TM9SF2: variants seen among roughly 807,000 people sequenced by gnomAD.
TM9SF2 encodes transmembrane 9 superfamily member 2, also known as 76 kDa membrane protein.
TM9SF2 carries 13 observed loss-of-function variants against 84.9 expected under a neutral mutation model. The observed-to-expected ratio is 0.15, with a 90% confidence interval of 0.10 to 0.24. TM9SF2 has a LOEUF of 0.24. TM9SF2 is among the 10% of genes least tolerant of loss of function. The pLI is 1.00. For missense variants in TM9SF2, 562 were observed against 818.5 expected, an observed-to-expected ratio of 0.69 and a Z score of 3.82; for synonymous variants, 273 against 285.8, an observed-to-expected ratio of 0.96 and a Z score of 0.45.
At chr13:99,541,806 C>G (rs2046260882) in intron 9 of TM9SF2, 139 bp downstream of exon 9, 1 of 530,490 alleles carries the variant, frequency 1.9e-6, no homozygotes, top group African/African-American at 2.0e-5. Flanking sequence ...AAATTCTTCT[C>G]AAAAGTTATC....
chr13:99,544,697 G>A (rs571841922), intron 10 of TM9SF2, among the ~76,000 whole-genome samples: 1 of 152,170 alleles, frequency 6.6e-6, no homozygotes, highest in Non-Finnish European at 1.5e-5. Context: ...GAAGGGATGG[G>A]GCAGGAAGCA....
At chr13:99,530,425 A>G (rs2046203511) in intron 4 of TM9SF2, among the ~76,000 whole-genome samples, 2 of 152,258 alleles carry the variant, frequency 1.3e-5, no homozygotes, top group Non-Finnish European at 1.5e-5. Flanking sequence ...CTCTGTCTCA[A>G]AAATAAAAAA....
intron 13 of TM9SF2, among the ~76,000 whole-genome samples, chr13:99,553,129 A>G (rs1266152361): frequency 1.3e-5 from 2 of 152,228 alleles, no homozygotes; most frequent in African/African-American, 4.8e-5. Context: ...GGCTAAAAGA[A>G]AAACAAAAAC....
chr13:99,504,860 T>G (rs1163341668), intron 1 of TM9SF2, among the ~76,000 whole-genome samples: 1 of 152,236 alleles, frequency 6.6e-6, no homozygotes, highest in Admixed American at 6.5e-5. Flanking sequence ...ATTCTGTTCC[T>G]GTACAATCTG....
intron 10 of TM9SF2, among the ~76,000 whole-genome samples, chr13:99,546,610 G>A (rs969500981): frequency 3.3e-5 from 5 of 150,896 alleles, no homozygotes; most frequent in African/African-American, 1.2e-4. Flanking sequence ...ATTTTTTAAT[G>A]AAAGAACAGT....
chr13:99,549,907 A>ATT (rs1301735804), intron 12 of TM9SF2, among the ~76,000 whole-genome samples: 2 of 152,366 alleles, frequency 1.3e-5, no homozygotes, highest in East Asian at 3.9e-4. Flanking sequence ...TGGCAGCAGC[A>ATT]TTTTAATACA....
Position 99,555,682 on chromosome 13 carries a change from T to C in TM9SF2, c.1752+35T>C, listed in dbSNP as rs1196619845. On this transcript the variant is annotated intron_variant, in intron 15 of 16. Coordinates refer to ENST00000376387, the MANE Select transcript of TM9SF2 (RefSeq NM_004800.3). Reference sequence around the variant, plus strand: ...AGCAGTATTCACTTATGTTAATTTGTAGACAGTAACTTTGGCATATTGCAA... The same window carrying C: ...AGCAGTATTCACTTATGTTAATTTGCAGACAGTAACTTTGGCATATTGCAA... 5 of 1,456,308 alleles carry C rather than the reference T, an allele frequency of 3.4e-6. No homozygotes were observed. The South Asian group carries it at 6.3e-5, about 18-fold the overall frequency. 90.2% of individuals were successfully genotyped at this position (1,456,308 alleles called of 1,614,324 possible).
At chr13:99,515,775 C>G (rs1382942455) in intron 1 of TM9SF2, among the ~76,000 whole-genome samples, 3 of 150,816 alleles carry the variant, frequency 2.0e-5, no homozygotes, top group African/African-American at 7.3e-5. Context: ...CTCTGTTGCC[C>G]AGGCTGGAGT....
rs540113470 is a variant in TM9SF2 at position 99,558,605 on chromosome 13, G to T, written c.1753-758G>T. Among the ~76,000 whole-genome samples, 82 of 152,036 alleles carry T rather than the reference G, an allele frequency of 5.4e-4. 1 individual carries two copies. The Middle Eastern group carries it at 0.034, about 63-fold the overall frequency. On this transcript the variant is annotated intron_variant, in intron 15 of 16. Coordinates refer to ENST00000376387, the MANE Select transcript of TM9SF2 (RefSeq NM_004800.3). ...TTGGGTGCTATTTTAAATGGAATTGGGTTTTTAAATTTTCTTCTCAGATTG... is the reference window on the plus strand; with the variant it reads ...TTGGGTGCTATTTTAAATGGAATTGTGTTTTTAAATTTTCTTCTCAGATTG...
intron 11 of TM9SF2, among the ~76,000 whole-genome samples, chr13:99,547,746 G>T (rs1046156360): frequency 6.6e-6 from 1 of 152,198 alleles, no homozygotes; most frequent in Non-Finnish European, 1.5e-5. Context: ...AGCTGGCAGG[G>T]TCAGCAGGGA....
In TM9SF2 at chr13:99,547,081, A is replaced by G. The variant is rs756682067; in HGVS notation, c.1247A>G (p.Tyr416Cys). ...LWVLLGTPAG[Y>C]VAARFYKSFG... is the part of the protein sequence containing the mutation. The stretch of plus-strand genomic sequence containing the variant: ...GTGCTGCTGGGCACCCCTGCAGGCT[A>G]TGTTGCTGCCAGATTCTATAAGTGT... The change falls in exon 11 of 17, where the codon TAT becomes TGT. Residue 416 changes from tyrosine (Y) to cysteine (C), a missense_variant. Tyr to Cys is a radical substitution (Grantham distance 194). Coordinates refer to ENST00000376387, the MANE Select transcript of TM9SF2 (RefSeq NM_004800.3). 3.8e-5 allele frequency: 62 copies of G among 1,613,846 alleles called. No individual in the cohort carries two copies. The highest frequency in any genetic ancestry group is 8.0e-5 in the African/African-American group (6 of 74,882).
intron 14 of TM9SF2, 122 bp downstream of exon 14, chr13:99,554,577 A>T: frequency 2.8e-6 from 3 of 1,087,108 alleles, no homozygotes; most frequent in Middle Eastern, 2.9e-4. Flanking sequence ...GTAACCAGAA[A>T]TCTTAAAAGC....
chr13:99,519,453 A>G (rs962725640), intron 2 of TM9SF2: 1 of 152,698 alleles, frequency 6.5e-6, no homozygotes, highest in Admixed American at 6.5e-5. Context: ...ATTAAGCTGT[A>G]ATGTTTAAAC....
chr13:99,533,896 C>T (rs577113345), intron 4 of TM9SF2, among the ~76,000 whole-genome samples: 3 of 152,340 alleles, frequency 2.0e-5, no homozygotes, highest in South Asian at 2.1e-4. Context: ...CTCTCGAACT[C>T]CTGACCTCTT....
chr13:99,539,698 A>C (rs2046250137), intron 7 of TM9SF2, 141 bp downstream of exon 7: 2 of 625,480 alleles, frequency 3.2e-6, no homozygotes, highest in Admixed American at 5.5e-5. Context: ...TTGTCGGTGT[A>C]CCAAGCAACA....
chr13:99,561,259 C>G (rs898474398), intron 16 of TM9SF2, among the ~76,000 whole-genome samples: 1 of 152,166 alleles, frequency 6.6e-6, no homozygotes, highest in African/African-American at 2.4e-5. Context: ...TTAAGTCAAT[C>G]CATTTTACAA....
At chr13:99,517,783 A>G in intron 2 of TM9SF2, 102 bp downstream of exon 2, 1 of 689,548 alleles carries the variant, frequency 1.5e-6, no homozygotes, top group Non-Finnish European at 2.2e-6. Context: ...AAGCCTGAAA[A>G]TATTTTTTAA....
chr13:99,547,891 A>C (rs2046290260), intron 11 of TM9SF2, among the ~76,000 whole-genome samples: 1 of 152,206 alleles, frequency 6.6e-6, no homozygotes. Flanking sequence ...GGGGTTGGGT[A>C]GTCTCAGCCC....
intron 3 of TM9SF2, among the ~76,000 whole-genome samples, chr13:99,529,069 A>G (rs150471100): frequency 6.6e-6 from 1 of 152,322 alleles, no homozygotes; most frequent in East Asian, 1.9e-4. Context: ...TGATTATTTG[A>G]ACATAAAAAT....
Sources: allele counts gnomAD v4.1 joint callset (sites outside exome capture counted in the v4.1 genomes callset), GRCh38; gene constraint gnomAD v4.1.1; transcripts MANE v1.5; gene names NCBI Gene and HGNC (gene_info 2026-07-23, HGNC 2026-07-21).